IST1: variants seen among roughly 807,000 people sequenced by gnomAD.
IST1 encodes the protein IST1 factor associated with ESCRT-III, also known as IST1 homolog.
In IST1, 23 loss-of-function variants were observed where a neutral mutation model predicts 37.0. The observed-to-expected ratio is 0.62, with a 90% CI of 0.45 to 0.88. IST1 has a LOEUF of 0.88. Ranked by LOEUF, IST1 falls within the 40% of genes least tolerant of loss-of-function variation. The pLI, the probability that IST1 is intolerant of heterozygous loss-of-function variation, is 0.00. For missense variants in IST1, 488 were observed against 445.4 expected, an observed-to-expected ratio of 1.10 and a Z score of -0.86; for synonymous variants, 180 against 161.7, an observed-to-expected ratio of 1.11 and a Z score of -0.86.
intron 1 of IST1, among the ~76,000 whole-genome samples, chr16:71,898,361 T>C (rs1597228516): frequency 8.3e-6 from 1 of 119,796 alleles, no homozygotes; most frequent in South Asian, 3.2e-4. Flanking sequence ...AGAGACACTC[T>C]CTCTCTCAGA....
chr16:71,907,570 C>T (rs2037254435), intron 1 of IST1, among the ~76,000 whole-genome samples: 1 of 152,152 alleles, frequency 6.6e-6, no homozygotes, highest in African/African-American at 2.4e-5. Context: ...AGCCACTGCG[C>T]CTGGCCCCCT....
chr16:71,924,390 A>C, intron 8 of IST1: 1 of 384,088 alleles, frequency 2.6e-6, no homozygotes, highest in South Asian at 2.1e-5. Flanking sequence ...CAGGCGTTCG[A>C]GACCAGCCTG....
At chr16:71,908,288 CGTT>C (rs1274874895) in intron 1 of IST1, among the ~76,000 whole-genome samples, 1 of 126,730 alleles carries the variant, frequency 7.9e-6, no homozygotes, top group Non-Finnish European at 1.6e-5. Flanking sequence ...TTCCCTTACT[CGTT>C]GTAGCTTTTT....
In IST1 at chr16:71,930,558, A is replaced by G. The variant is rs544297215; in HGVS notation, c.*2745A>G. On this transcript the variant is annotated 3_prime_UTR_variant, in exon 10 of 10. Transcript: ENST00000378799. ...AAATGCATACCAGAAATGAGAATGC[A>G]CACTGTCTCTGCCATATCAAGAAAC... The G allele has an allele frequency of 6.2e-6, 1 of 160,374 alleles. No individual in the cohort carries two copies. The highest frequency in any genetic ancestry group is 6.3e-5 in the Admixed American group (1 of 15,884). 9.9% of individuals were successfully genotyped at this position (160,374 alleles called of 1,614,324 possible). A position where few individuals can be genotyped will look rare whatever the true frequency, so the allele number is the denominator to read the frequency against.
chr16:71,902,426 C>T (rs1044605271), intron 1 of IST1, among the ~76,000 whole-genome samples: 2 of 152,050 alleles, frequency 1.3e-5, no homozygotes, highest in African/African-American at 2.4e-5. Flanking sequence ...CCTGCCACCA[C>T]GCCTGGCTAA....
At chr16:71,924,264 T>G (rs1321403746) in intron 8 of IST1, 1 of 440,770 alleles carries the variant, frequency 2.3e-6, no homozygotes, top group Non-Finnish European at 4.5e-6. Context: ...AAAGTATCAT[T>G]AAAGTTGTCT....
intron 1 of IST1, among the ~76,000 whole-genome samples, chr16:71,908,984 C>G (rs1183350596): frequency 6.6e-6 from 1 of 152,014 alleles, no homozygotes; most frequent in Non-Finnish European, 1.5e-5. Context: ...AACCCTGTTC[C>G]TTACATCTTT....
At chr16:71,902,639 T>C (rs547041182) in intron 1 of IST1, among the ~76,000 whole-genome samples, 1 of 152,196 alleles carries the variant, frequency 6.6e-6, no homozygotes, top group Admixed American at 6.5e-5. Context: ...TTTAGTAAAT[T>C]TGAGTTTCTG....
chr16:71,925,618 C>T (rs2037723951), intron 9 of IST1, among the ~76,000 whole-genome samples: 1 of 151,984 alleles, frequency 6.6e-6, no homozygotes, highest in Admixed American at 6.6e-5. Flanking sequence ...CCGGCCAGCT[C>T]AGTGAATTTT....
rs748146373 is a variant in IST1 at position 71,929,654 on chromosome 16, G to A, written c.*1841G>A. ...AACAAATTTGAGAGCTTCTGTAGCAGTGTATCTATTAGTGCAGCTTCTTTC... is the reference window on the plus strand; with the variant it reads ...AACAAATTTGAGAGCTTCTGTAGCAATGTATCTATTAGTGCAGCTTCTTTC... On this transcript the variant is annotated 3_prime_UTR_variant, in exon 10 of 10. Transcript: ENST00000378799. The A allele has an allele frequency of 9.7e-6, 15 of 1,551,524 alleles. No homozygotes were observed. In the South Asian group the frequency reaches 1.8e-4, roughly 18 times the overall value.
At chr16:71,896,813 T>G (rs2036981817) in intron 1 of IST1, among the ~76,000 whole-genome samples, 1 of 151,918 alleles carries the variant, frequency 6.6e-6, no homozygotes, top group South Asian at 2.1e-4. Context: ...AATCCCGTTC[T>G]CTACAAAAAT....
Position 71,923,285 on chromosome 16 carries a change from C to G in IST1, c.760-3C>G, listed in dbSNP as rs954949416. ...CTCTGATGTTGCCTTTCTCCTCTTA[C>G]AGTCAGATTTCAATGGACTGCCAAT... On this transcript the variant is annotated splice_region_variant and splice_polypyrimidine_tract_variant and intron_variant, in intron 7 of 9. Transcript: ENST00000378799. 9 of 1,596,338 alleles carry G rather than the reference C, an allele frequency of 5.6e-6. No homozygotes were observed. The highest frequency in any genetic ancestry group is 7.7e-6 in the Non-Finnish European group (9 of 1,165,442).
intron 1 of IST1, among the ~76,000 whole-genome samples, chr16:71,904,143 A>T (rs1287534381): frequency 6.6e-6 from 1 of 152,066 alleles, no homozygotes; most frequent in African/African-American, 2.4e-5. Context: ...GGTTGTTTTG[A>T]GACGGAGTTT....
At chr16:71,921,855 C>T (rs1056378821) in intron 6 of IST1, 2 of 195,694 alleles carry the variant, frequency 1.0e-5, no homozygotes, top group Non-Finnish European at 2.1e-5. Flanking sequence ...ACCAGTTGGC[C>T]AGGTGCGGTG....
In IST1 at chr16:71,929,694, A is replaced by G; in HGVS notation, c.*1881A>G. 1 of 1,517,210 alleles carries G rather than the reference A, an allele frequency of 6.6e-7. No homozygotes were observed. Among genetic ancestry groups the G allele is most frequent in the Non-Finnish European group, 8.8e-7 (1 of 1,132,818 alleles). 94.0% of individuals were successfully genotyped at this position (1,517,210 alleles called of 1,614,324 possible). ...CAGCTTCTTTCTGAGTATTGAAGAC[A>G]AAAAGAGAAAAGTGAGAAAATTGAA... On this transcript the variant is annotated 3_prime_UTR_variant, in exon 10 of 10. Transcript: ENST00000378799.
Position 71,922,690 on chromosome 16 carries a change from T to TGGGG in IST1, c.759+10_759+11insGGGG. 2 of 1,436,088 alleles carry TGGGG rather than the reference T, an allele frequency of 1.4e-6. No homozygotes were observed. Among genetic ancestry groups the TGGGG allele is most frequent in the Non-Finnish European group, 1.9e-6 (2 of 1,065,176 alleles). The allele number at this position is 1,436,088 out of a possible 1,614,324, so 89.0% of individuals were successfully genotyped here. On this transcript the variant is annotated intron_variant, in intron 7 of 9. Coordinates refer to ENST00000378799, the MANE Select transcript of IST1 (RefSeq NM_001270975.2). ...ACTGCCAAAGGGACCAGTAAGTATA[T>TGGGG]ATAAGTGTGGATGTAAGCTTTAGAA...
intron 1 of IST1, among the ~76,000 whole-genome samples, chr16:71,912,483 C>T (rs1014505431): frequency 9.2e-5 from 14 of 151,814 alleles, no homozygotes; most frequent in Non-Finnish European, 1.5e-4. Flanking sequence ...GTGATCTGCC[C>T]ACCTCGGCCT....
At chr16:71,916,702 G>T in intron 3 of IST1, 60 bp downstream of exon 3, 4 of 1,404,452 alleles carry the variant, frequency 2.8e-6, no homozygotes, top group East Asian at 2.3e-5. Flanking sequence ...GGAGTAATAT[G>T]ATCTCTTTCT....
chr16:71,922,181 G>C (rs953253828), intron 6 of IST1, among the ~76,000 whole-genome samples: 1 of 152,140 alleles, frequency 6.6e-6, no homozygotes, highest in African/African-American at 2.4e-5. Context: ...GTGGGGTGTG[G>C]TGGATGCTTT....
Sources: gnomAD v4.1 joint callset for allele counts (sites outside exome capture counted in the v4.1 genomes callset) on GRCh38, gnomAD v4.1.1 for gene constraint, MANE v1.5 for transcripts, NCBI Gene and HGNC (gene_info 2026-07-23, HGNC 2026-07-21) for gene names.